The following IL5 variants were observed in gnomAD, a reference collection of about 807,000 sequenced individuals.
The protein encoded by IL5 is interleukin 5.
A neutral mutation model predicts 16.3 loss-of-function variants in IL5; 12 were observed. The observed-to-expected ratio is 0.74, with a 90% CI of 0.47 to 1.20. The LOEUF (loss-of-function observed/expected upper bound fraction) is 1.20. IL5 is among the 50% of genes most tolerant of loss of function. IL5 has a pLI of 0.00. For synonymous variants in IL5, 54 were observed against 56.6 expected (o/e 0.95, Z 0.21); for missense variants, 159 against 153.9 (o/e 1.03, Z -0.17).
intron 1 of IL5, among the ~76,000 whole-genome samples, chr5:132,550,549 G>A (rs972898307): frequency 6.6e-6 from 1 of 152,046 alleles, no homozygotes; most frequent in Admixed American, 6.6e-5. Flanking sequence ...GTCTTGATCT[G>A]TTGACGTCGT....
At position 132,553,466 on chromosome 5, in the gene IL5, C is replaced by A. The variant is rs371942243; in HGVS notation, c.42+3208G>T. Among the ~76,000 whole-genome samples, 9 of 152,332 alleles carry A rather than the reference C, an allele frequency of 5.9e-5. No homozygotes were observed. The South Asian group carries it at 1.5e-3, about 25-fold the overall frequency. ...GCTAATTTCTTATGCTACTTTGGGT[C>A]ATAAAATTCCCCTTTAAAAGTAGAG... On this transcript the variant is annotated intron_variant, in intron 1 of 2. Transcript: ENST00000450655.
Position 132,543,395 on chromosome 5 carries a change from T to C in IL5, c.84A>G (p.Ala28=). 1 of 1,614,242 alleles carries C rather than the reference T, an allele frequency of 6.2e-7. No individual in the cohort carries two copies. The highest frequency in any genetic ancestry group is 8.5e-7 in the Non-Finnish European group (1 of 1,180,044). Residue 28 remains alanine (A), a synonymous_variant, in exon 1 of 4, where the codon GCA becomes GCG. Transcript: ENST00000231454. ...YAIPTEIPTS[A]LVKETLALLS... ...GCAGTGCCAAGGTCTCTTTCACCAA[T>C]GCACTTGTGGGAATTTCTGTGGGGA...
chr5:132,549,984 TAGAC>T (rs1348533747), intron 1 of IL5, among the ~76,000 whole-genome samples: 2 of 152,204 alleles, frequency 1.3e-5, no homozygotes, highest in African/African-American at 2.4e-5. Context: ...TACCAACACA[TAGAC>T]AGTTTTACAG....
intron 1 of IL5, among the ~76,000 whole-genome samples, chr5:132,549,300 C>T (rs1005925619): frequency 8.5e-5 from 13 of 152,240 alleles, no homozygotes; most frequent in African/African-American, 7.2e-5. Context: ...GTGATCCGCC[C>T]GCCTCGGCCT....
Position 132,542,140 on chromosome 5 carries a change from G to A in IL5, c.181C>T (p.Gln61Ter). The A allele has an allele frequency of 1.3e-6, 2 of 1,593,346 alleles. No individual in the cohort carries two copies. The highest frequency in any genetic ancestry group is 1.7e-6 in the Non-Finnish European group (2 of 1,174,574). Residue 61 changes from glutamine to a stop codon, truncating the protein, a stop_gained, in exon 3 of 4, where the codon CAA becomes TAA. Transcript: ENST00000231454. LOFTEE classifies it high-confidence loss of function. Reference protein sequence around the residue: ...RIPVPVHKNHQLCTEEIFQGI... With the variant: ...RIPVPVHKNH ...TGAAAGATTTCTTCAGTGCACAGTT[G>A]GTGCTAAATGAGGAAAATTTTTAAA...
rs956920081 is a variant in IL5, at chr5:132,541,523, C to T, written c.*288G>A. ...TAATTTACCAAATTCTTAACCATTT[C>T]ATAAATACTATTAAGTTAACAGACA... On this transcript the variant is annotated 3_prime_UTR_variant, in exon 4 of 4. Coordinates refer to ENST00000231454, the MANE Select transcript of IL5 (RefSeq NM_000879.3). 1 of 301,224 alleles carries T rather than the reference C, an allele frequency of 3.3e-6. No homozygotes were observed. Among genetic ancestry groups the T allele is most frequent in the Non-Finnish European group, 6.1e-6 (1 of 163,480 alleles). The allele number at this position is 301,224 out of a possible 1,614,324, so 18.7% of individuals were successfully genotyped here.
Position 132,541,834 on chromosome 5 carries a change from T to C in IL5, c.382A>G (p.Thr128Ala), listed in dbSNP as rs1306705190. 1 of 1,612,712 alleles carries C rather than the reference T, an allele frequency of 6.2e-7. No individual in the cohort carries two copies. The highest frequency in any genetic ancestry group is 8.5e-7 in the Non-Finnish European group (1 of 1,178,814). Residue 128 changes from threonine to alanine, a missense_variant, in exon 4 of 4, where the codon ACC (threonine) becomes GCC (alanine). Coordinates refer to ENST00000231454, the MANE Select transcript of IL5 (RefSeq NM_000879.3). ...TCTCAACTTTCTATTATCCACTCGG[T>C]GTTCATTACACCAAGAAACTCTTGC... ...YLQEFLGVMN[T>A]EWIIES is the part of the protein sequence containing the mutation.
intron 1 of IL5, among the ~76,000 whole-genome samples, chr5:132,552,410 T>C (rs1445098676): frequency 6.6e-6 from 1 of 152,220 alleles, no homozygotes; most frequent in Admixed American, 6.5e-5. Context: ...TTGGAAGTAG[T>C]AGTTTACTAA....
intron 1 of IL5, among the ~76,000 whole-genome samples, chr5:132,553,161 T>C (rs577846640): frequency 7.2e-5 from 11 of 152,310 alleles, no homozygotes; most frequent in African/African-American, 2.6e-4. Flanking sequence ...TTAATAAGTC[T>C]TTTAAAATCT....
At position 132,543,431 on chromosome 5, in the gene IL5, G is replaced by A. The variant is rs146633313; in HGVS notation, c.48C>T (p.Tyr16=). The A allele has an allele frequency of 8.0e-4, 1,291 of 1,613,980 alleles. 1 individual carries two copies. The highest frequency in any genetic ancestry group is 3.7e-3 in the African/African-American group (281 of 75,036). The change falls in exon 1 of 4, where the codon TAC becomes TAT. Residue 16 remains tyrosine (Y), a synonymous_variant. Transcript: ENST00000231454. ...GAATTTCTGTGGGGATGGCATACAC[G>A]TAGGCAGCTCCAAGAGCTAGCAAAC... ...HLSLLALGAA[Y]VYAIPTEIPT... is the part of the protein sequence containing the mutation.
Position 132,541,846 on chromosome 5 carries a change from C to A in IL5, c.370G>T (p.Gly124Cys). The change falls in exon 4 of 4, where the codon GGT becomes TGT. Residue 124 changes from glycine to cysteine, a missense_variant. By Grantham distance (159) the Gly-to-Cys change is radical (BLOSUM62 -3). Transcript: ENST00000231454. ...QFLDYLQEFL[G>C]VMNTEWIIES The stretch of plus-strand genomic sequence containing the variant: ...ATTATCCACTCGGTGTTCATTACAC[C>A]AAGAAACTCTTGCAGGTAGTCTAGG... The A allele has an allele frequency of 8.7e-6, 14 of 1,613,674 alleles. No individual in the cohort carries two copies. Among genetic ancestry groups the A allele is most frequent in the Non-Finnish European group, 1.2e-5 (14 of 1,179,694 alleles).
At chr5:132,555,164 C>T (rs1348371545) in intron 1 of IL5, among the ~76,000 whole-genome samples, 1 of 152,218 alleles carries the variant, frequency 6.6e-6, no homozygotes, top group African/African-American at 2.4e-5. Context: ...ACCTGCTGCT[C>T]ACCTCCTACT....
At chr5:132,552,829 G>A (rs899151312) in intron 1 of IL5, among the ~76,000 whole-genome samples, 5 of 152,054 alleles carry the variant, frequency 3.3e-5, no homozygotes, top group Admixed American at 6.6e-5. Context: ...TCTACCTCCC[G>A]GGTTCAGCGA....
intron 1 of IL5, among the ~76,000 whole-genome samples, chr5:132,548,660 C>T (rs1040989201): frequency 1.3e-5 from 2 of 151,426 alleles, no homozygotes; most frequent in Non-Finnish European, 2.9e-5. Flanking sequence ...TGTGTGTGTG[C>T]GTCTGTGTGT....
At chr5:132,554,773 C>G (rs756848384) in intron 1 of IL5, among the ~76,000 whole-genome samples, 3 of 152,166 alleles carry the variant, frequency 2.0e-5, no homozygotes, top group Non-Finnish European at 2.9e-5. Context: ...TTCACAATAG[C>G]TAAAACGTGA....
intron 1 of IL5, among the ~76,000 whole-genome samples, chr5:132,549,087 G>T (rs958223446): frequency 3.3e-5 from 5 of 152,162 alleles, no homozygotes; most frequent in Middle Eastern, 3.4e-3. Flanking sequence ...ACAGAGTCTT[G>T]CTCTGTCACC....
At chr5:132,545,650 A>T (rs1421394073), upstream of IL5, among the ~76,000 whole-genome samples, 1 of 152,200 alleles carries the variant, frequency 6.6e-6, no homozygotes, top group Non-Finnish European at 1.5e-5. Context: ...ATGAAACTAT[A>T]GCATGCATGA....
chr5:132,548,076 TAAA>T (rs1749821796), upstream of IL5, among the ~76,000 whole-genome samples: 1 of 151,774 alleles, frequency 6.6e-6, no homozygotes, highest in East Asian at 1.9e-4. Flanking sequence ...TTCAAATAAA[TAAA>T]TAAATAAATA....
intron 1 of IL5, among the ~76,000 whole-genome samples, chr5:132,549,149 A>G (rs1244843477): frequency 6.6e-6 from 1 of 152,118 alleles, no homozygotes; most frequent in Non-Finnish European, 1.5e-5. Flanking sequence ...TCCGCCTCCC[A>G]GGTTCAAGCG....
Sources: gnomAD v4.1 joint callset for allele counts (sites outside exome capture counted in the v4.1 genomes callset) on GRCh38, gnomAD v4.1.1 for gene constraint, MANE v1.5 for transcripts, NCBI Gene and HGNC (gene_info 2026-07-23, HGNC 2026-07-21) for gene names.